The following CAMK1D variants were observed in gnomAD, a reference collection of about 807,000 sequenced individuals.
The protein encoded by CAMK1D is calcium/calmodulin dependent protein kinase ID.
Under a neutral mutation model 47.7 loss-of-function variants are expected in CAMK1D, and 9 were observed. That is an observed-to-expected ratio of 0.19 (90% confidence interval 0.11 to 0.33). The LOEUF is 0.33. Ranked by LOEUF, CAMK1D falls within the 10% of genes least tolerant of loss-of-function variation. The pLI is 1.00. For synonymous variants in CAMK1D, 184 were observed against 184.9 expected (o/e 0.99, Z 0.04); for missense variants, 291 against 488.7 (o/e 0.60, Z 3.81).
At chr10:12,399,091 G>C (rs1251927669) in intron 1 of CAMK1D, among the ~76,000 whole-genome samples, 1 of 152,190 alleles carries the variant, frequency 6.6e-6, no homozygotes, top group South Asian at 2.1e-4. Context: ...ACTGGGAATG[G>C]TATTGAAATA....
Position 12,618,384 on chromosome 10 carries a change from A to G in CAMK1D, c.225-48352A>G, listed in dbSNP as rs184951925. Among the ~76,000 whole-genome samples, 8 of 152,274 alleles carry G rather than the reference A, an allele frequency of 5.3e-5. No homozygotes were observed. The East Asian group carries it at 7.7e-4, about 15-fold the overall frequency. ...GCTCTTTCTAACATCTGTCCGTGCT[A>G]CTTACTCTGTTTTCTCTAGTTCATT... On this transcript the variant is annotated intron_variant, in intron 2 of 10. Transcript: ENST00000619168.
intron 3 of CAMK1D, among the ~76,000 whole-genome samples, chr10:12,710,289 G>T (rs553787010): frequency 1.3e-5 from 2 of 152,104 alleles, no homozygotes; most frequent in African/African-American, 4.8e-5. Flanking sequence ...ATTGATTTAC[G>T]TTGTAAGTAA....
chr10:12,664,387 A>C (rs1191194883), intron 2 of CAMK1D, among the ~76,000 whole-genome samples: 1 of 151,772 alleles, frequency 6.6e-6, no homozygotes, highest in African/African-American at 2.4e-5. Context: ...GCTGCAATGG[A>C]TTAAAAGCAG....
At chr10:12,608,579 C>A (rs550772641) in intron 2 of CAMK1D, among the ~76,000 whole-genome samples, 3 of 152,286 alleles carry the variant, frequency 2.0e-5, no homozygotes, top group African/African-American at 7.2e-5. Context: ...TGTTCTACAA[C>A]AAATGGCATC....
At chr10:12,669,969 C>G (rs377294857) in intron 3 of CAMK1D, among the ~76,000 whole-genome samples, 1 of 151,932 alleles carries the variant, frequency 6.6e-6, no homozygotes, top group East Asian at 1.9e-4. Context: ...CGGACTCTAT[C>G]GAGTGAAGTT....
At chr10:12,750,595 G>C (rs372680726) in intron 3 of CAMK1D, among the ~76,000 whole-genome samples, 23 of 152,288 alleles carry the variant, frequency 1.5e-4, no homozygotes, top group South Asian at 4.1e-4. Context: ...GAAGAGGCCG[G>C]GAGGAGAGAC....
At chr10:12,550,322 G>A (rs1206452518) in intron 1 of CAMK1D, among the ~76,000 whole-genome samples, 1 of 152,210 alleles carries the variant, frequency 6.6e-6, no homozygotes, top group African/African-American at 2.4e-5. Context: ...TTGAACCTTG[G>A]TCTTTCCCCA....
chr10:12,648,897 A>G (rs577509890), intron 2 of CAMK1D, among the ~76,000 whole-genome samples: 1 of 152,130 alleles, frequency 6.6e-6, no homozygotes, highest in African/African-American at 2.4e-5. Flanking sequence ...AATTTTTTGG[A>G]GACAAGGTCT....
intron 2 of CAMK1D, among the ~76,000 whole-genome samples, chr10:12,623,693 A>G (rs1839117398): frequency 6.6e-6 from 1 of 151,666 alleles, no homozygotes; most frequent in Non-Finnish European, 1.5e-5. Flanking sequence ...AGTGACACAC[A>G]TTTTACATAC....
chr10:12,564,854 C>G (rs776792657), intron 2 of CAMK1D, among the ~76,000 whole-genome samples: 3 of 152,168 alleles, frequency 2.0e-5, no homozygotes, highest in Non-Finnish European at 2.9e-5. Flanking sequence ...CCTAAGTATA[C>G]ACACATGTAA....
At chr10:12,732,741 G>T (rs1457859760) in intron 3 of CAMK1D, among the ~76,000 whole-genome samples, 1 of 144,782 alleles carries the variant, frequency 6.9e-6, no homozygotes, top group African/African-American at 2.6e-5. Flanking sequence ...TGAGATTTGG[G>T]TGGGGACACA....
intron 2 of CAMK1D, among the ~76,000 whole-genome samples, chr10:12,624,286 A>G (rs1455536676): frequency 6.6e-6 from 1 of 152,084 alleles, no homozygotes; most frequent in African/African-American, 2.4e-5. Flanking sequence ...CCCTATTAAA[A>G]TTTTAGATGT....
chr10:12,751,897 T>A (rs556071207), intron 3 of CAMK1D, among the ~76,000 whole-genome samples: 1 of 148,680 alleles, frequency 6.7e-6, no homozygotes, highest in South Asian at 2.1e-4. Context: ...AGGCAGTGAG[T>A]AAAGTTTTGC....
chr10:12,437,929 G>C (rs1832681852), intron 1 of CAMK1D, among the ~76,000 whole-genome samples: 1 of 152,162 alleles, frequency 6.6e-6, no homozygotes, highest in African/African-American at 2.4e-5. Flanking sequence ...ATTCACATCA[G>C]CTTCTTGTTA....
intron 3 of CAMK1D, among the ~76,000 whole-genome samples, chr10:12,670,696 T>C (rs1397904265): frequency 6.6e-6 from 1 of 152,094 alleles, no homozygotes; most frequent in Non-Finnish European, 1.5e-5. Flanking sequence ...TGTGGGCACC[T>C]GCCACCATGC....
At chr10:12,656,449 A>C (rs1840117076) in intron 2 of CAMK1D, among the ~76,000 whole-genome samples, 1 of 152,100 alleles carries the variant, frequency 6.6e-6, no homozygotes, top group Non-Finnish European at 1.5e-5. Flanking sequence ...CCGAAACCAC[A>C]CCACTGCGCT....
At chr10:12,546,815 T>TG (rs994617696) in intron 1 of CAMK1D, among the ~76,000 whole-genome samples, 3 of 48,100 alleles carry the variant, frequency 6.2e-5, no homozygotes, top group Admixed American at 5.9e-4. Context: ...TGTTGTGGGG[T>TG]GGGGGTGGGG....
chr10:12,742,859 T>A (rs1835495051), intron 3 of CAMK1D, among the ~76,000 whole-genome samples: 2 of 152,198 alleles, frequency 1.3e-5, no homozygotes, highest in Non-Finnish European at 2.9e-5. Context: ...TTTAGAGTTC[T>A]TCCAGTTTAT....
intron 3 of CAMK1D, among the ~76,000 whole-genome samples, chr10:12,692,962 A>G (rs1832987601): frequency 6.6e-6 from 1 of 152,188 alleles, no homozygotes. Flanking sequence ...GTTGGGTCAA[A>G]CACTAGGCTA....
Sources: allele counts gnomAD v4.1 joint callset (sites outside exome capture counted in the v4.1 genomes callset), GRCh38; gene constraint gnomAD v4.1.1; transcripts MANE v1.5; gene names NCBI Gene and HGNC (gene_info 2026-07-23, HGNC 2026-07-21).